NKAIN2: variants seen among roughly 807,000 people sequenced by gnomAD.
NKAIN2 encodes sodium/potassium transporting ATPase interacting 2.
Under a neutral mutation model 32.6 loss-of-function variants are expected in NKAIN2, and 14 were observed. The ratio of observed to expected loss-of-function variants is 0.43; its 90% CI spans 0.28 to 0.67. The LOEUF is 0.67. Among genes scored for constraint, NKAIN2 ranks in the 30% least tolerant of loss-of-function variants. NKAIN2 has a pLI of 0.17. For synonymous variants in NKAIN2, 80 were observed against 87.2 expected (o/e 0.92, Z 0.46); for missense variants, 198 against 258.3 (o/e 0.77, Z 1.60).
chr6:124,573,437 T>C (rs1781208991), intron 3 of NKAIN2, among the ~76,000 whole-genome samples: 1 of 152,088 alleles, frequency 6.6e-6, no homozygotes, highest in African/African-American at 2.4e-5. Context: ...TCTTTTGCAT[T>C]CTTGTTGAAC....
intron 4 of NKAIN2, among the ~76,000 whole-genome samples, chr6:124,702,580 G>T (rs979842537): frequency 6.6e-6 from 1 of 151,970 alleles, no homozygotes; most frequent in African/African-American, 2.4e-5. Context: ...TAGAGGAGGG[G>T]GAGAAAAGAA....
chr6:124,437,739 T>G (rs943783181), intron 3 of NKAIN2, among the ~76,000 whole-genome samples: 1 of 152,094 alleles, frequency 6.6e-6, no homozygotes, highest in African/African-American at 2.4e-5. Context: ...GCTTTGTGCA[T>G]AGAGTTGGAG....
At chr6:124,726,669 C>T (rs954318677) in intron 4 of NKAIN2, among the ~76,000 whole-genome samples, 21 of 146,444 alleles carry the variant, frequency 1.4e-4, no homozygotes, top group African/African-American at 2.3e-4. Flanking sequence ...TCCAAAGGAA[C>T]GCAGTTCCTC....
intron 2 of NKAIN2, among the ~76,000 whole-genome samples, chr6:124,284,050 TA>T (rs1301763260): frequency 1.4e-5 from 1 of 71,014 alleles, no homozygotes; most frequent in African/African-American, 7.6e-5. Flanking sequence ...AGAACCCAGA[TA>T]AAGCTCATTG....
chr6:124,516,694 G>T (rs532226451), intron 3 of NKAIN2, among the ~76,000 whole-genome samples: 1 of 152,244 alleles, frequency 6.6e-6, no homozygotes, highest in Admixed American at 6.5e-5. Context: ...ACAACCTGCT[G>T]TGTATCTTAA....
At chr6:123,882,128 C>A (rs909807302) in intron 1 of NKAIN2, among the ~76,000 whole-genome samples, 4 of 152,016 alleles carry the variant, frequency 2.6e-5, no homozygotes, top group South Asian at 2.1e-4. Flanking sequence ...TAGGACCAAC[C>A]TCCGCATATT....
Position 124,119,194 on chromosome 6 carries a change from T to C in NKAIN2, c.55-163811T>C, listed in dbSNP as rs974176066. Among the ~76,000 whole-genome samples, 19 of 152,090 alleles carry C rather than the reference T, an allele frequency of 1.2e-4. 1 individual carries two copies. Among genetic ancestry groups the C allele is most frequent in the Admixed American group, 9.8e-4 (15 of 15,254 alleles). ...ATATCTTCATTTAAAAAGTAAAAAA[T>C]TTAACCAGAGTTACCTCACCTCTGA... On this transcript the variant is annotated intron_variant, in intron 1 of 6. Coordinates refer to ENST00000368417, the MANE Select transcript of NKAIN2 (RefSeq NM_001040214.3).
chr6:124,646,812 G>A (rs563116345), intron 3 of NKAIN2, among the ~76,000 whole-genome samples: 11 of 152,108 alleles, frequency 7.2e-5, no homozygotes, highest in African/African-American at 2.6e-4. Context: ...TTAGCCAGGT[G>A]TGGTGGTGCA....
intron 2 of NKAIN2, among the ~76,000 whole-genome samples, chr6:124,293,653 G>A (rs549182087): frequency 3.3e-5 from 5 of 152,094 alleles, no homozygotes; most frequent in African/African-American, 1.2e-4. Flanking sequence ...TTTCATCAGA[G>A]CATATATTTT....
chr6:124,571,535 T>C (rs1781128403), intron 3 of NKAIN2, among the ~76,000 whole-genome samples: 1 of 152,192 alleles, frequency 6.6e-6, no homozygotes, highest in Non-Finnish European at 1.5e-5. Flanking sequence ...TTTCTGCTTT[T>C]GCTTCTTCCT....
At chr6:124,199,844 TATTTCTTAATAGTAGTGAAG>T (rs1349715223) in intron 1 of NKAIN2, among the ~76,000 whole-genome samples, 1 of 152,146 alleles carries the variant, frequency 6.6e-6, no homozygotes, top group Non-Finnish European at 1.5e-5. Context: ...CACCAAAATG[TATTTCTTAATAGTAGTGAAG>T]ATTCAACCTA....
chr6:124,247,631 A>T (rs950357896), intron 1 of NKAIN2, among the ~76,000 whole-genome samples: 2 of 152,126 alleles, frequency 1.3e-5, no homozygotes, highest in Admixed American at 6.6e-5. Context: ...GCATGTAATA[A>T]GCCAAGTACT....
intron 4 of NKAIN2, among the ~76,000 whole-genome samples, chr6:124,726,986 G>A (rs1052736075): frequency 6.7e-6 from 1 of 148,764 alleles, no homozygotes; most frequent in Non-Finnish European, 1.5e-5. Context: ...ATGAAATGAA[G>A]CAAGAAGGGA....
At chr6:123,916,354 A>G (rs1181550857) in intron 1 of NKAIN2, among the ~76,000 whole-genome samples, 1 of 151,996 alleles carries the variant, frequency 6.6e-6, no homozygotes, top group East Asian at 1.9e-4. Context: ...CCTGGTTCAA[A>G]CGATTCTCCT....
rs183773044 is a variant in NKAIN2, at chr6:124,812,080, C to T, written c.536-6307C>T. Among the ~76,000 whole-genome samples the T allele has an allele frequency of 2.0e-4, 31 of 152,240 alleles. No homozygotes were observed. The East Asian group carries it at 5.8e-3, about 29-fold the overall frequency. ...CTCGATAGCATTCATCAATGAATGA[C>T]CGTCTCACTGGAGTCCTTTTGATGC... On this transcript the variant is annotated intron_variant, in intron 5 of 6. Coordinates refer to ENST00000368417, the MANE Select transcript of NKAIN2 (RefSeq NM_001040214.3).
At chr6:124,113,956 T>C (rs1316896792) in intron 1 of NKAIN2, among the ~76,000 whole-genome samples, 1 of 152,232 alleles carries the variant, frequency 6.6e-6, no homozygotes, top group Non-Finnish European at 1.5e-5. Context: ...ATCACTCTGC[T>C]ACATTCTTGT....
intron 4 of NKAIN2, among the ~76,000 whole-genome samples, chr6:124,723,717 C>T (rs1303848650): frequency 6.6e-6 from 1 of 152,310 alleles, no homozygotes; most frequent in Non-Finnish European, 1.5e-5. Context: ...TTAAAAGGTG[C>T]TTAATGTCAA....
intron 1 of NKAIN2, chr6:124,121,982 G>T (rs1785908190): frequency 6.0e-6 from 4 of 670,342 alleles, no homozygotes; most frequent in African/African-American, 1.9e-5. Context: ...TGTGTCTACA[G>T]GGTAATATAT....
intron 3 of NKAIN2, among the ~76,000 whole-genome samples, chr6:124,569,366 C>CT (rs1324048123): frequency 2.0e-5 from 3 of 152,064 alleles, no homozygotes; most frequent in Non-Finnish European, 4.4e-5. Context: ...GCTTAAATTA[C>CT]TTTTTTTCTT....
Sources: gnomAD v4.1 joint callset for allele counts (sites outside exome capture counted in the v4.1 genomes callset) on GRCh38, gnomAD v4.1.1 for gene constraint, MANE v1.5 for transcripts, NCBI Gene and HGNC (gene_info 2026-07-23, HGNC 2026-07-21) for gene names.